The following ALK variants were observed in gnomAD, a reference collection of about 807,000 sequenced individuals.
ALK encodes the protein ALK receptor tyrosine kinase, also known as ALK tyrosine kinase receptor.
ALK carries 74 observed loss-of-function variants against 163.1 expected under a neutral mutation model. The observed-to-expected ratio is 0.45, with a 90% confidence interval of 0.38 to 0.55. ALK has a LOEUF of 0.55. Ranked by LOEUF, ALK falls within the 20% of genes least tolerant of loss-of-function variation. The probability of loss-of-function intolerance (pLI) is 0.00; values close to 1 mark genes in which losing one functional copy is unlikely to be tolerated. For synonymous variants in ALK, 960 were observed against 843.2 expected, an observed-to-expected ratio of 1.14 and a Z score of -2.40; for missense variants, 2,063 against 2,105.3, an observed-to-expected ratio of 0.98 and a Z score of 0.39.
chr2:29,583,044 T>TTTTTTTG (rs1553335223), intron 3 of ALK, among the ~76,000 whole-genome samples: 3 of 149,658 alleles, frequency 2.0e-5, no homozygotes, highest in African/African-American at 7.4e-5. Context: ...TGTTTTTTGT[T>TTTTTTTG]TTTTTGTTTT....
chr2:29,621,000 G>A (rs760510821), intron 3 of ALK, among the ~76,000 whole-genome samples: 54 of 152,276 alleles, frequency 3.5e-4, no homozygotes, highest in Middle Eastern at 3.4e-3. Context: ...ATATGCAAAG[G>A]GTGAGTGAGT....
At chr2:29,587,668 G>A (rs758183132) in intron 3 of ALK, among the ~76,000 whole-genome samples, 12 of 151,990 alleles carry the variant, frequency 7.9e-5, no homozygotes, top group Non-Finnish European at 1.3e-4. Context: ...GACTTCTTTC[G>A]ATCCTGATCT....
chr2:29,857,749 T>C (rs1211835560), intron 1 of ALK, among the ~76,000 whole-genome samples: 5 of 152,226 alleles, frequency 3.3e-5, no homozygotes, highest in Non-Finnish European at 4.4e-5. Context: ...TGAAATCTAT[T>C]ATTCCCAAGA....
intron 8 of ALK, among the ~76,000 whole-genome samples, chr2:29,298,292 T>A (rs1036218598): frequency 1.1e-4 from 17 of 152,368 alleles, no homozygotes; most frequent in African/African-American, 4.1e-4. Flanking sequence ...TATGCATCTC[T>A]ACTGAGACCT....
chr2:29,467,593 A>T (rs192207035), intron 4 of ALK, among the ~76,000 whole-genome samples: 28 of 152,354 alleles, frequency 1.8e-4, no homozygotes, highest in Non-Finnish European at 1.5e-5. Flanking sequence ...GAATCTGCTC[A>T]TTCTTTCTGG....
chr2:29,844,004 C>T (rs12621966), intron 1 of ALK, among the ~76,000 whole-genome samples: 65,732 of 151,800 alleles, frequency 0.43, 15,174 homozygotes, highest in East Asian at 0.7. Context: ...TTGAAAGAAA[C>T]GTCTACAGTG....
intron 1 of ALK, among the ~76,000 whole-genome samples, chr2:29,834,720 A>G (rs1031537302): frequency 6.6e-6 from 1 of 152,184 alleles, no homozygotes; most frequent in African/African-American, 2.4e-5. Flanking sequence ...GAGGGGTATG[A>G]TTCTGTACTC....
At chr2:29,379,382 A>T (rs1668839763) in intron 5 of ALK, among the ~76,000 whole-genome samples, 1 of 152,202 alleles carries the variant, frequency 6.6e-6, no homozygotes, top group African/African-American at 2.4e-5. Context: ...TTGATTAACC[A>T]ATCAGTCAAC....
chr2:29,795,199 C>A (rs192144024), intron 1 of ALK, among the ~76,000 whole-genome samples: 3 of 152,136 alleles, frequency 2.0e-5, no homozygotes, highest in Non-Finnish European at 2.9e-5. Flanking sequence ...CACACACACA[C>A]GCAAAGAGCT....
intron 3 of ALK, among the ~76,000 whole-genome samples, chr2:29,571,831 G>C (rs1007007061): frequency 6.6e-6 from 1 of 151,982 alleles, no homozygotes; most frequent in East Asian, 1.9e-4. Context: ...GGCCAGGCTG[G>C]TCTCGAACTC....
At chr2:29,372,691 T>G (rs1668666505) in intron 5 of ALK, among the ~76,000 whole-genome samples, 1 of 152,214 alleles carries the variant, frequency 6.6e-6, no homozygotes, top group Non-Finnish European at 1.5e-5. Flanking sequence ...GACTCAGGAT[T>G]CAAGTCCACG....
In ALK at chr2:29,246,093, G is replaced by A. The variant is rs995069778; in HGVS notation, c.2204+5012C>T. On this transcript the variant is annotated intron_variant, in intron 12 of 28. Coordinates refer to ENST00000389048, the MANE Select transcript of ALK (RefSeq NM_004304.5). The surrounding 1 kb of genome is among the most constrained non-coding windows in gnomAD (Gnocchi z 4.3). The stretch of plus-strand genomic sequence containing the variant: ...ACTGCCTTCGGGAGCTATGGGCCAT[G>A]CTTGACAAATGGTGTTATATACGAT... Among the ~76,000 whole-genome samples, 2 of 152,196 alleles carry A rather than the reference G, an allele frequency of 1.3e-5. No homozygotes were observed. Among genetic ancestry groups the A allele is most frequent in the Admixed American group, 6.5e-5 (1 of 15,286 alleles).
At chr2:29,317,652 C>T (rs1454871530) in intron 8 of ALK, among the ~76,000 whole-genome samples, 1 of 152,182 alleles carries the variant, frequency 6.6e-6, no homozygotes, top group Non-Finnish European at 1.5e-5. Context: ...TAATTAACTG[C>T]CCAAACAAAC....
chr2:29,389,850 C>T (rs1669119372), intron 4 of ALK, among the ~76,000 whole-genome samples: 1 of 152,152 alleles, frequency 6.6e-6, no homozygotes, highest in Non-Finnish European at 1.5e-5. Flanking sequence ...TCTTGGCCTC[C>T]ATTTGCCAAG....
intron 11 of ALK, among the ~76,000 whole-genome samples, chr2:29,272,143 GA>G (rs1311154930): frequency 1.3e-5 from 2 of 150,946 alleles, no homozygotes; most frequent in African/African-American, 4.9e-5. Context: ...GGAGGGGAAA[GA>G]GATAGAAAGA....
chr2:29,806,862 T>A (rs1234311150), intron 1 of ALK, among the ~76,000 whole-genome samples: 2 of 152,106 alleles, frequency 1.3e-5, no homozygotes, highest in East Asian at 3.9e-4. Flanking sequence ...TTAGGTTAGA[T>A]GGTGGTAAGA....
At chr2:29,202,283 C>T (rs1172624681) in intron 26 of ALK, among the ~76,000 whole-genome samples, 2 of 152,208 alleles carry the variant, frequency 1.3e-5, no homozygotes, top group Admixed American at 1.3e-4. Flanking sequence ...TTCCCCCCGC[C>T]CACCTTTGCC....
At chr2:29,439,031 G>C (rs569674110) in intron 4 of ALK, among the ~76,000 whole-genome samples, 21 of 152,294 alleles carry the variant, frequency 1.4e-4, no homozygotes, top group African/African-American at 5.1e-4. Context: ...TTGTTGCTGA[G>C]AGAACTGGTG....
chr2:29,920,427 G>C lies in ALK; in HGVS notation c.233C>G (p.Ser78Trp), dbSNP rs748978993. 3.1e-6 allele frequency: 5 copies of C among 1,603,658 alleles called. No individual in the cohort carries two copies. The East Asian group carries it at 1.1e-4, about 36-fold the overall frequency. Reference sequence around the variant, plus strand: ...CTCGGGCCTGCCAGCCTTCAGCTCCGAGGAGGATGGTGGCAGCAGTAGGTC... The same window carrying C: ...CTCGGGCCTGCCAGCCTTCAGCTCCCAGGAGGATGGTGGCAGCAGTAGGTC... ...ARDLLLPPSS[S>W]ELKAGRPEAR... Residue 78 changes from serine (S) to tryptophan (W), a missense_variant, in exon 1 of 29, where the codon TCG becomes TGG. Physicochemically the swap from Ser to Trp is radical, Grantham distance 177. Coordinates refer to ENST00000389048, the MANE Select transcript of ALK (RefSeq NM_004304.5).
Sources: allele counts gnomAD v4.1 joint callset (sites outside exome capture counted in the v4.1 genomes callset), GRCh38; gene constraint gnomAD v4.1.1; non-coding constraint Gnocchi (gnomAD v3.1); transcripts MANE v1.5; gene names NCBI Gene and HGNC (gene_info 2026-07-23, HGNC 2026-07-21).